Variants in CHD9 observed in about 807,000 individuals in gnomAD.
CHD9 encodes ATP-dependent chromatin remodeler CHD9.
In CHD9, 77 loss-of-function variants were observed where a neutral mutation model predicts 316.1. The ratio of observed to expected loss-of-function variants is 0.24; its 90% CI spans 0.20 to 0.29. The LOEUF (loss-of-function observed/expected upper bound fraction) is 0.29. Ranked by LOEUF, CHD9 falls within the 10% of genes least tolerant of loss-of-function variation. CHD9 has a pLI of 1.00. For missense variants in CHD9, 2,763 were observed against 3,438.1 expected (o/e 0.80, Z 4.91); for synonymous variants, 1,129 against 1,158.3 (o/e 0.97, Z 0.51).
At chr16:53,273,820 A>G in intron 23 of CHD9, 35 bp downstream of exon 23, 1 of 1,546,668 alleles carries the variant, frequency 6.5e-7, no homozygotes, top group South Asian at 1.2e-5. Context: ...AACTCTTTAA[A>G]TGTTTACTGT....
intron 29 of CHD9, among the ~76,000 whole-genome samples, chr16:53,293,801 A>C (rs931126893): frequency 2.0e-5 from 3 of 152,094 alleles, no homozygotes; most frequent in Non-Finnish European, 4.4e-5. Context: ...AAATACAAAA[A>C]TTAGCCAGGT....
intron 1 of CHD9, among the ~76,000 whole-genome samples, chr16:53,077,660 G>T (rs577267790): frequency 6.6e-6 from 1 of 152,240 alleles, no homozygotes; most frequent in African/African-American, 2.4e-5. Context: ...TATTTAAGGG[G>T]CACAATGTAC....
At chr16:53,100,586 G>A (rs1415795964) in intron 1 of CHD9, among the ~76,000 whole-genome samples, 1 of 151,626 alleles carries the variant, frequency 6.6e-6, no homozygotes, top group African/African-American at 2.4e-5. Context: ...AGCCTCCCAA[G>A]TAGTTGGGAC....
intron 23 of CHD9, 42 bp from the exon 24 acceptor site, chr16:53,274,171 T>C: frequency 8.1e-7 from 1 of 1,230,238 alleles, no homozygotes. Flanking sequence ...TTTTAAACGA[T>C]GAATGTCTTT....
intron 2 of CHD9, among the ~76,000 whole-genome samples, chr16:53,188,561 A>G (rs1345029229): frequency 6.9e-6 from 1 of 145,224 alleles, no homozygotes; most frequent in Non-Finnish European, 1.5e-5. Context: ...CCTGATTGCT[A>G]ATGATACTGA....
chr16:53,219,899 A>G (rs1189832700), intron 3 of CHD9, among the ~76,000 whole-genome samples: 1 of 152,234 alleles, frequency 6.6e-6, no homozygotes, highest in Non-Finnish European at 1.5e-5. Flanking sequence ...TAAACATTGA[A>G]TAAATGGAAG....
At chr16:53,249,353 G>A (rs1283258588) in intron 16 of CHD9, among the ~76,000 whole-genome samples, 2 of 152,070 alleles carry the variant, frequency 1.3e-5, no homozygotes, top group African/African-American at 4.8e-5. Flanking sequence ...TATGTTAAAT[G>A]GGGAAGGATA....
chr16:53,083,667 T>A (rs1323350919), intron 1 of CHD9, among the ~76,000 whole-genome samples: 1 of 152,150 alleles, frequency 6.6e-6, no homozygotes, highest in Non-Finnish European at 1.5e-5. Flanking sequence ...TTTCCCTCTT[T>A]TCTCTCACAG....
Position 53,325,994 on chromosome 16 carries a change from A to G in CHD9, c.*1099A>G, listed in dbSNP as rs1331213642. The G allele has an allele frequency of 6.6e-6, 1 of 152,536 alleles. No individual in the cohort carries two copies. The highest frequency in any genetic ancestry group is 1.5e-5 in the Non-Finnish European group (1 of 67,936). The allele number at this position is 152,536 out of a possible 1,614,324, so 9.4% of individuals were successfully genotyped here. On this transcript the variant is annotated 3_prime_UTR_variant, in exon 39 of 39. Transcript: ENST00000447540. ...TGTTGCCCAGAATCAGTGTTGGGTT[A>G]TCAGTTTATATTAAATATACTGAGT... is the stretch of plus-strand genomic sequence containing the variant.
At chr16:53,158,570 T>A (rs964980588) in intron 2 of CHD9, among the ~76,000 whole-genome samples, 101 of 152,320 alleles carry the variant, frequency 6.6e-4, no homozygotes, top group African/African-American at 2.4e-3. Flanking sequence ...ATTAATAGAT[T>A]TATAACATGT....
chr16:53,167,706 A>G (rs894421081), intron 2 of CHD9, among the ~76,000 whole-genome samples: 1 of 152,048 alleles, frequency 6.6e-6, no homozygotes, highest in Non-Finnish European at 1.5e-5. Flanking sequence ...TCATATATAC[A>G]TATCATATAT....
intron 2 of CHD9, among the ~76,000 whole-genome samples, chr16:53,171,837 CACACACACACACACACACACACAG>C (rs1176134720): frequency 3.9e-4 from 38 of 98,572 alleles, no homozygotes; most frequent in African/African-American, 1.2e-4. Flanking sequence ...AAACCACACA[CACACACACACACACACACACACAG>C]ACACACACAC....
chr16:53,084,587 C>T (rs1168650344), intron 1 of CHD9, among the ~76,000 whole-genome samples: 1 of 152,112 alleles, frequency 6.6e-6, no homozygotes, highest in Non-Finnish European at 1.5e-5. Context: ...TACTAAAATA[C>T]AAAAAATTAG....
At chr16:53,068,157 C>G (rs2033692043) in intron 1 of CHD9, among the ~76,000 whole-genome samples, 1 of 152,174 alleles carries the variant, frequency 6.6e-6, no homozygotes. Context: ...TGCTTAACCT[C>G]CTGAGCCTCA....
At position 53,171,861 on chromosome 16, in the gene CHD9, G is replaced by GAC. The variant is rs750572537; in HGVS notation, c.1452+14360_1452+14361dup. Among the ~76,000 whole-genome samples, 399 of 124,884 alleles carry GAC rather than the reference G, an allele frequency of 3.2e-3. 2 individuals carry two copies. Among genetic ancestry groups the GAC allele is most frequent in the South Asian group, 5.1e-3 (20 of 3,892 alleles). The allele number at this position is 124,884 out of a possible 152,430, so 81.9% of individuals were successfully genotyped here. Reference sequence around the variant, plus strand: ...ACACACACACACACACACACACACAGACACACACACACACACACACACACA... The same window carrying GAC: ...ACACACACACACACACACACACACAGACACACACACACACACACACACACACA... On this transcript the variant is annotated intron_variant, in intron 2 of 38. Coordinates refer to ENST00000447540, the MANE Select transcript of CHD9 (RefSeq NM_001308319.2).
intron 37 of CHD9, among the ~76,000 whole-genome samples, chr16:53,318,603 A>G (rs1414923542): frequency 1.3e-5 from 2 of 152,246 alleles, no homozygotes; most frequent in African/African-American, 4.8e-5. Context: ...ACACTTATAC[A>G]AGGGCACGAC....
intron 30 of CHD9, among the ~76,000 whole-genome samples, chr16:53,302,474 T>A (rs12599927): frequency 0.032 from 4,930 of 152,332 alleles, 98 homozygotes; most frequent in Middle Eastern, 0.071. Context: ...TTACTGATGA[T>A]GTTGACTTTA....
intron 27 of CHD9, 121 bp downstream of exon 27, chr16:53,288,135 T>G (rs531880619): frequency 1.4e-6 from 1 of 716,932 alleles, no homozygotes; most frequent in African/African-American, 1.8e-5. Context: ...TTCCTCAGAT[T>G]AGCTAAGTAA....
At chr16:53,105,255 G>A (rs1344892610) in intron 1 of CHD9, among the ~76,000 whole-genome samples, 3 of 152,066 alleles carry the variant, frequency 2.0e-5, no homozygotes, top group Non-Finnish European at 4.4e-5. Context: ...CCAGTATCCA[G>A]TGCATTTTCT....
Sources: allele counts gnomAD v4.1 joint callset (sites outside exome capture counted in the v4.1 genomes callset), GRCh38; gene constraint gnomAD v4.1.1; transcripts MANE v1.5; gene names NCBI Gene and HGNC (gene_info 2026-07-23, HGNC 2026-07-21).